The following FOXP2 variants were observed in gnomAD, a reference collection of about 807,000 sequenced individuals.
FOXP2 encodes the protein forkhead box protein P2.
Under a neutral mutation model 115.8 loss-of-function variants are expected in FOXP2, and 12 were observed. The ratio of observed to expected loss-of-function variants is 0.10; its 90% CI spans 0.07 to 0.17. The LOEUF (loss-of-function observed/expected upper bound fraction) is 0.17. FOXP2 is among the 10% of genes least tolerant of loss of function. The probability of loss-of-function intolerance (pLI) is 1.00; values close to 1 mark genes in which losing one functional copy is unlikely to be tolerated. For synonymous variants in FOXP2, 328 were observed against 297.7 expected, an observed-to-expected ratio of 1.10 and a Z score of -1.05; for missense variants, 629 against 843.5, an observed-to-expected ratio of 0.75 and a Z score of 3.15.
rs371436635 is a variant in FOXP2 at position 114,117,429 on chromosome 7, C to G, written c.-247+29591C>G. On this transcript the variant is annotated intron_variant, in intron 1 of 19. Transcript: ENST00000635638. ...TAGAGACAGGGTTTCGCCACGTTGG[C>G]CAGGCTGGTTTTGAACTCCTGACCT... Among the ~76,000 whole-genome samples, 232 of 151,948 alleles carry G rather than the reference C, an allele frequency of 1.5e-3. 1 individual carries two copies. The highest frequency in any genetic ancestry group is 5.5e-3 in the African/African-American group (227 of 41,462).
intron 3 of FOXP2, among the ~76,000 whole-genome samples, chr7:114,579,819 C>T (rs935616267): frequency 9.9e-5 from 15 of 152,088 alleles, no homozygotes; most frequent in Non-Finnish European, 1.0e-4. Flanking sequence ...TGTTGCTAAG[C>T]AGCATTTTCA....
chr7:114,405,786 A>C (rs1355670899), intron 2 of FOXP2, among the ~76,000 whole-genome samples: 3 of 151,908 alleles, frequency 2.0e-5, no homozygotes, highest in Admixed American at 2.0e-4. Flanking sequence ...GAAGTCTTTG[A>C]GATTTAAATT....
At chr7:114,410,360 A>C (rs1173377924), upstream of FOXP2, among the ~76,000 whole-genome samples, 1 of 152,112 alleles carries the variant, frequency 6.6e-6, no homozygotes, top group Non-Finnish European at 1.5e-5. Context: ...TTTATTAGGG[A>C]AACATTGTGG....
intron 14 of FOXP2, among the ~76,000 whole-genome samples, chr7:114,663,176 T>C (rs1362661654): frequency 6.6e-6 from 1 of 152,134 alleles, no homozygotes; most frequent in Non-Finnish European, 1.5e-5. Flanking sequence ...TTCACACAAC[T>C]AGAAACAGGT....
chr7:114,102,816 G>A (rs767867104), intron 1 of FOXP2, among the ~76,000 whole-genome samples: 3 of 151,400 alleles, frequency 2.0e-5, no homozygotes, highest in Non-Finnish European at 4.4e-5. Flanking sequence ...TCACTTGCTT[G>A]GAATTATGAG....
chr7:114,453,076 C>T (rs561026279), intron 2 of FOXP2, among the ~76,000 whole-genome samples: 1 of 151,996 alleles, frequency 6.6e-6, no homozygotes, highest in East Asian at 1.9e-4. Flanking sequence ...AAACTGAGTC[C>T]ATATTTGTTT....
At chr7:114,098,819 G>A (rs1328144849) in intron 1 of FOXP2, among the ~76,000 whole-genome samples, 1 of 152,152 alleles carries the variant, frequency 6.6e-6, no homozygotes, top group South Asian at 2.1e-4. Context: ...CTGGTAAAAG[G>A]TTAATATCCA....
intron 15 of FOXP2, 122 bp downstream of exon 15, chr7:114,663,641 G>T: frequency 1.3e-6 from 1 of 757,946 alleles, no homozygotes. Context: ...CATCCAAGTT[G>T]TAGTACCTAG....
chr7:114,604,954 C>A (rs1413230126), intron 3 of FOXP2, among the ~76,000 whole-genome samples: 1 of 152,150 alleles, frequency 6.6e-6, no homozygotes, highest in Non-Finnish European at 1.5e-5. Flanking sequence ...ATATCTTGAT[C>A]TTTCTGAGCC....
Position 114,634,009 on chromosome 7 carries a change from T to C in FOXP2, c.775+2304T>C, listed in dbSNP as rs867073349. On this transcript the variant is annotated intron_variant, in intron 6 of 16. Coordinates refer to ENST00000350908, the MANE Select transcript of FOXP2 (RefSeq NM_014491.4). ...GTCTTTAAAACTGTATCTTTTCTTT[T>C]TTTTTTGAGGAGTCTCACTCTGTCA... 3.9e-5 allele frequency among the ~76,000 whole-genome samples: 6 copies of C among 152,228 alleles called. No homozygotes were observed. The Middle Eastern group carries it at 0.017, about 431-fold the overall frequency.
At chr7:114,180,583 T>C (rs1267685235) in intron 1 of FOXP2, among the ~76,000 whole-genome samples, 1 of 152,006 alleles carries the variant, frequency 6.6e-6, no homozygotes, top group Non-Finnish European at 1.5e-5. Flanking sequence ...ATTAAGTATA[T>C]TGTCAGCTCC....
intron 2 of FOXP2, among the ~76,000 whole-genome samples, chr7:114,434,436 TA>T (rs1272278949): frequency 2.5e-5 from 1 of 39,280 alleles, no homozygotes; most frequent in Non-Finnish European, 4.0e-5. Context: ...GTTTAATATA[TA>T]TGGGGGGGGG....
At chr7:114,293,414 C>A (rs1281982773) in intron 2 of FOXP2, among the ~76,000 whole-genome samples, 2 of 152,166 alleles carry the variant, frequency 1.3e-5, no homozygotes, top group African/African-American at 4.8e-5. Flanking sequence ...CTTTAGCAAA[C>A]AGCCAGGAAG....
chr7:114,519,361 T>C (rs979792125), intron 2 of FOXP2, among the ~76,000 whole-genome samples: 6 of 152,168 alleles, frequency 3.9e-5, no homozygotes, highest in Non-Finnish European at 8.8e-5. Context: ...CATTTCTGTA[T>C]ACCAGTGTCC....
Position 114,628,951 on chromosome 7 carries a change from G to C in FOXP2, c.396+274G>C, listed in dbSNP as rs955503213. 1.5e-5 allele frequency: 6 copies of C among 387,112 alleles called. No individual in the cohort carries two copies. In the South Asian group the frequency reaches 1.7e-4, roughly 11 times the overall value. The allele number at this position is 387,112 out of a possible 1,614,324, so 24.0% of individuals were successfully genotyped here. On this transcript the variant is annotated intron_variant, in intron 4 of 16. Coordinates refer to ENST00000350908, the MANE Select transcript of FOXP2 (RefSeq NM_014491.4). Reference sequence around the variant, plus strand: ...CAATATTTAAATATTCAAATGCTTAGGTACATTCAATTTGTTGACTTGCCA... The same window carrying C: ...CAATATTTAAATATTCAAATGCTTACGTACATTCAATTTGTTGACTTGCCA...
At chr7:114,583,304 G>A (rs73438578) in intron 3 of FOXP2, among the ~76,000 whole-genome samples, 4,323 of 152,094 alleles carry the variant, frequency 0.028, 201 homozygotes, top group African/African-American at 0.096. Context: ...CCTTTAACCC[G>A]GAGGTGGGGG....
chr7:114,688,100 A>G (rs1808457887), intron 16 of FOXP2, among the ~76,000 whole-genome samples: 1 of 151,126 alleles, frequency 6.6e-6, no homozygotes, highest in Non-Finnish European at 1.5e-5. Context: ...ACTTTTTCAT[A>G]AACTTCAGGG....
intron 2 of FOXP2, among the ~76,000 whole-genome samples, chr7:114,469,508 A>AAGTT (rs1362373200): frequency 2.0e-5 from 3 of 152,152 alleles, no homozygotes; most frequent in Non-Finnish European, 4.4e-5. Context: ...CCACAATAAA[A>AAGTT]AGTTTATATT....
intron 3 of FOXP2, among the ~76,000 whole-genome samples, chr7:114,595,685 T>G (rs960415812): frequency 2.0e-5 from 3 of 151,974 alleles, no homozygotes; most frequent in African/African-American, 7.2e-5. Context: ...AGGAAAAGAA[T>G]CCACAGTGCT....
Sources: allele counts gnomAD v4.1 joint callset (sites outside exome capture counted in the v4.1 genomes callset), GRCh38; gene constraint gnomAD v4.1.1; transcripts MANE v1.5; gene names NCBI Gene and HGNC (gene_info 2026-07-23, HGNC 2026-07-21).